Variants in RFX7 observed in about 807,000 individuals in gnomAD.
The protein encoded by RFX7 is DNA-binding protein RFX7.
In RFX7, 26 loss-of-function variants were observed where a neutral mutation model predicts 111.8. The observed-to-expected ratio is 0.23, with a 90% confidence interval of 0.17 to 0.32. The LOEUF (loss-of-function observed/expected upper bound fraction) is 0.32, where lower values mean the gene tolerates loss of function less well. Among genes scored for constraint, RFX7 ranks in the 10% least tolerant of loss-of-function variants. The pLI is 1.00. For missense variants in RFX7, 1,573 were observed against 1,772.9 expected (o/e 0.89, Z 2.02); for synonymous variants, 624 against 624.4 (o/e 1.00, Z 0.01).
At chr15:56,116,454 T>C (rs1292990944) in intron 5 of RFX7, among the ~76,000 whole-genome samples, 1 of 152,218 alleles carries the variant, frequency 6.6e-6, no homozygotes, top group Admixed American at 6.5e-5. Context: ...CAGCCCTCAA[T>C]TTTACTTTTC....
intron 2 of RFX7, among the ~76,000 whole-genome samples, chr15:56,206,650 G>A (rs2043255406): frequency 6.6e-6 from 1 of 151,962 alleles, no homozygotes; most frequent in African/African-American, 2.4e-5. Context: ...ATACACAATG[G>A]AGTATTATTC....
intron 5 of RFX7, among the ~76,000 whole-genome samples, chr15:56,118,546 T>TAGTA (rs1203373985): frequency 6.6e-6 from 1 of 152,360 alleles, no homozygotes; most frequent in East Asian, 1.9e-4. Flanking sequence ...TATGGCTGAA[T>TAGTA]AGTACTCCAT....
chr15:56,151,379 G>A (rs1270813089), intron 3 of RFX7, among the ~76,000 whole-genome samples: 2 of 152,216 alleles, frequency 1.3e-5, no homozygotes. Flanking sequence ...AACCCTACAA[G>A]CCAGAAGAGA....
Position 56,115,992 on chromosome 15 carries a change from T to C in RFX7, c.402-12322A>G, listed in dbSNP as rs182407906. On this transcript the variant is annotated intron_variant, in intron 5 of 9. Transcript: ENST00000559447. ...GCATATAAAATGTCCAGATTTATGA[T>C]TATCGACAGTAACTACCTATAGATT... 9.2e-3 allele frequency among the ~76,000 whole-genome samples: 1,398 copies of C among 152,078 alleles called. 29 individuals carry two copies. The highest frequency in any genetic ancestry group is 0.032 in the African/African-American group (1,326 of 41,480).
rs1179390436 is a variant in RFX7, at chr15:56,090,952, T to C, written c.*2393A>G. ...ATCTGGAACAGAACATATTCAACAA[T>C]AACTAAGCAGAATTAGTAAACATAA... On this transcript the variant is annotated 3_prime_UTR_variant, in exon 10 of 10. Transcript: ENST00000559447. The C allele has an allele frequency of 3.3e-5, 5 of 152,506 alleles. No individual in the cohort carries two copies. The highest frequency in any genetic ancestry group is 9.7e-5 in the African/African-American group (4 of 41,434). 9.4% of individuals were successfully genotyped at this position (152,506 alleles called of 1,614,324 possible). A position where few individuals can be genotyped will look rare whatever the true frequency, so the allele number is the denominator to read the frequency against.
At chr15:56,236,290 G>A (rs1167300259) in intron 2 of RFX7, among the ~76,000 whole-genome samples, 1 of 152,154 alleles carries the variant, frequency 6.6e-6, no homozygotes, top group African/African-American at 2.4e-5. Flanking sequence ...TGTGGGTTGA[G>A]TGCCAAATAT....
intron 2 of RFX7, among the ~76,000 whole-genome samples, chr15:56,190,252 T>C (rs1435150864): frequency 1.3e-5 from 2 of 152,190 alleles, no homozygotes; most frequent in African/African-American, 2.4e-5. Context: ...TTTCCCCTTT[T>C]CAGGAAAGAA....
At chr15:56,226,148 T>A (rs2043481307) in intron 2 of RFX7, among the ~76,000 whole-genome samples, 1 of 152,126 alleles carries the variant, frequency 6.6e-6, no homozygotes, top group Non-Finnish European at 1.5e-5. Flanking sequence ...ACTACAGAAG[T>A]GTTGAGGAAA....
At chr15:56,131,372 A>G (rs1391314317) in intron 5 of RFX7, among the ~76,000 whole-genome samples, 3 of 140,698 alleles carry the variant, frequency 2.1e-5, no homozygotes, top group African/African-American at 5.3e-5. Context: ...AGCTCAAGCA[A>G]TCCTCCAACT....
intron 2 of RFX7, among the ~76,000 whole-genome samples, chr15:56,209,243 A>G (rs529295098): frequency 6.6e-6 from 1 of 151,972 alleles, no homozygotes; most frequent in South Asian, 2.1e-4. Flanking sequence ...ATTCTCATAA[A>G]CCATGCAAGA....
chr15:56,223,074 T>C (rs777842094), intron 2 of RFX7, among the ~76,000 whole-genome samples: 1 of 152,212 alleles, frequency 6.6e-6, no homozygotes, highest in Non-Finnish European at 1.5e-5. Context: ...TCTTAATTAA[T>C]GCCCAAGGTG....
intron 6 of RFX7, among the ~76,000 whole-genome samples, chr15:56,103,195 G>A (rs1325236510): frequency 1.6e-5 from 2 of 125,838 alleles, no homozygotes; most frequent in South Asian, 2.4e-4. Context: ...AGGAAGAAAC[G>A]AAGATAAGCT....
At chr15:56,129,639 G>A (rs1236417646) in intron 5 of RFX7, among the ~76,000 whole-genome samples, 1 of 152,144 alleles carries the variant, frequency 6.6e-6, no homozygotes, top group South Asian at 2.1e-4. Flanking sequence ...AGAGCACACT[G>A]CCCTGAAAAC....
At chr15:56,132,378 A>T (rs1269635766) in intron 5 of RFX7, among the ~76,000 whole-genome samples, 2 of 152,074 alleles carry the variant, frequency 1.3e-5, no homozygotes, top group Non-Finnish European at 2.9e-5. Flanking sequence ...AAGAACAGAG[A>T]ACATAAAGAA....
chr15:56,142,939 A>G, intron 4 of RFX7, 39 bp from the exon 5 acceptor site: 1 of 1,608,452 alleles, frequency 6.2e-7, no homozygotes, highest in Non-Finnish European at 8.5e-7. Context: ...ACCAGACAGC[A>G]ATTCATTAAC....
intron 3 of RFX7, among the ~76,000 whole-genome samples, chr15:56,176,900 T>A (rs1168757509): frequency 2.7e-5 from 4 of 149,486 alleles, no homozygotes; most frequent in Non-Finnish European, 4.4e-5. Context: ...TTTACTCATA[T>A]CCCCCTACAA....
rs1490967746 is a variant in RFX7 at position 56,089,841 on chromosome 15, T to G, written c.*3504A>C. 2 of 152,186 alleles carry G rather than the reference T, an allele frequency of 1.3e-5. No homozygotes were observed. The highest frequency in any genetic ancestry group is 4.8e-5 in the African/African-American group (2 of 41,432). The allele number at this position is 152,186 out of a possible 1,614,324, so 9.4% of individuals were successfully genotyped here. A position where few individuals can be genotyped will look rare whatever the true frequency, so the allele number is the denominator to read the frequency against. The stretch of plus-strand genomic sequence containing the variant: ...TCCTTTTGTAATTGCTTCTACCACC[T>G]GTTCAAACTGAGGGCTCCAGATCTA... On this transcript the variant is annotated 3_prime_UTR_variant, in exon 10 of 10. Transcript: ENST00000559447.
intron 2 of RFX7, among the ~76,000 whole-genome samples, chr15:56,212,789 T>C (rs1382867225): frequency 6.6e-6 from 1 of 152,040 alleles, no homozygotes; most frequent in Non-Finnish European, 1.5e-5. Context: ...AAAAATACTC[T>C]CAAAACTCAA....
At chr15:56,230,743 C>G (rs1399137031) in intron 2 of RFX7, among the ~76,000 whole-genome samples, 1 of 152,184 alleles carries the variant, frequency 6.6e-6, no homozygotes, top group East Asian at 1.9e-4. Flanking sequence ...TCAATGTGTA[C>G]TACAGTAGCT....
Sources: gnomAD v4.1 joint callset for allele counts (sites outside exome capture counted in the v4.1 genomes callset) on GRCh38, gnomAD v4.1.1 for gene constraint, MANE v1.5 for transcripts, NCBI Gene and HGNC (gene_info 2026-07-23, HGNC 2026-07-21) for gene names.